Variants in OSBP2 observed in about 807,000 individuals in gnomAD.
The protein encoded by OSBP2 is oxysterol-binding protein 2.
Under a neutral mutation model 96.0 loss-of-function variants are expected in OSBP2, and 66 were observed. That is an observed-to-expected ratio of 0.69 (90% CI 0.56 to 0.84). The LOEUF is 0.84. Among genes scored for constraint, OSBP2 ranks in the 40% least tolerant of loss-of-function variants. The pLI is 0.00. For missense variants in OSBP2, 1,038 were observed against 1,222.7 expected, an observed-to-expected ratio of 0.85 and a Z score of 2.25; for synonymous variants, 525 against 520.9, an observed-to-expected ratio of 1.01 and a Z score of -0.11.
intron 3 of OSBP2, among the ~76,000 whole-genome samples, chr22:30,886,062 T>C (rs1011804944): frequency 3.3e-5 from 5 of 152,224 alleles, no homozygotes; most frequent in African/African-American, 4.8e-5. Context: ...TGCAAAATAT[T>C]TGAAGAGATT....
chr22:30,886,892 G>A (rs1602416879), intron 3 of OSBP2, among the ~76,000 whole-genome samples: 2 of 152,306 alleles, frequency 1.3e-5, no homozygotes, highest in East Asian at 3.9e-4. Context: ...TCTCACACAA[G>A]AAAGAATTCA....
chr22:30,782,840 T>C (rs1197936099), intron 2 of OSBP2, among the ~76,000 whole-genome samples: 1 of 152,148 alleles, frequency 6.6e-6, no homozygotes, highest in Non-Finnish European at 1.5e-5. Context: ...AATTGCCACA[T>C]CATCTTCGAA....
intron 1 of OSBP2, among the ~76,000 whole-genome samples, chr22:30,730,114 C>T (rs903312874): frequency 6.6e-6 from 1 of 152,002 alleles, no homozygotes; most frequent in African/African-American, 2.4e-5. Context: ...AGGCGCATGC[C>T]ACCATGCCTG....
intron 2 of OSBP2, among the ~76,000 whole-genome samples, chr22:30,803,773 G>A (rs2090888569): frequency 6.6e-6 from 1 of 152,028 alleles, no homozygotes; most frequent in African/African-American, 2.4e-5. Context: ...GAGCTCTGGA[G>A]TGGATACTGG....
intron 1 of OSBP2, among the ~76,000 whole-genome samples, chr22:30,725,206 A>T (rs891833784): frequency 1.2e-4 from 18 of 149,020 alleles, no homozygotes; most frequent in Non-Finnish European, 1.8e-4. Context: ...ACAAAAAAAA[A>T]ACAAAAACAA....
At chr22:30,894,295 C>A in intron 12 of OSBP2, 1 of 351,010 alleles carries the variant, frequency 2.8e-6, no homozygotes. Context: ...AAATAGAAAA[C>A]TATAAAATGT....
intron 2 of OSBP2, among the ~76,000 whole-genome samples, chr22:30,756,277 G>T (rs1421598189): frequency 6.6e-6 from 1 of 152,148 alleles, no homozygotes; most frequent in East Asian, 1.9e-4. Flanking sequence ...TTTGTCCTCT[G>T]TCTAACCATG....
chr22:30,745,666 C>CAAAA (rs71328868), intron 2 of OSBP2, among the ~76,000 whole-genome samples: 10 of 58,652 alleles, frequency 1.7e-4, no homozygotes, highest in Non-Finnish European at 2.9e-4. Flanking sequence ...GACTCTGTCT[C>CAAAA]AAAAAAAAAA....
chr22:30,704,604 C>T (rs1030218325), intron 1 of OSBP2, among the ~76,000 whole-genome samples: 2 of 151,660 alleles, frequency 1.3e-5, no homozygotes, highest in African/African-American at 4.9e-5. Flanking sequence ...GCAACCTCTG[C>T]CTCCTGGGTT....
intron 2 of OSBP2, among the ~76,000 whole-genome samples, chr22:30,852,924 G>T (rs1389008874): frequency 2.0e-5 from 3 of 151,912 alleles, no homozygotes; most frequent in Non-Finnish European, 4.4e-5. Flanking sequence ...TATATTCGGG[G>T]TTTTTTTCCA....
intron 2 of OSBP2, among the ~76,000 whole-genome samples, chr22:30,799,772 G>A (rs1037552736): frequency 1.3e-5 from 2 of 152,250 alleles, no homozygotes; most frequent in Non-Finnish European, 2.9e-5. Flanking sequence ...GGCAGCTCCT[G>A]TATTTTGAAG....
chr22:30,831,963 G>A (rs2038532150), intron 2 of OSBP2, among the ~76,000 whole-genome samples: 1 of 152,074 alleles, frequency 6.6e-6, no homozygotes, highest in Non-Finnish European at 1.5e-5. Flanking sequence ...TGCCTACTTT[G>A]ACCTCACCCT....
At chr22:30,735,044 T>A (rs1026651335) in intron 1 of OSBP2, among the ~76,000 whole-genome samples, 2 of 151,906 alleles carry the variant, frequency 1.3e-5, no homozygotes, top group African/African-American at 4.8e-5. Flanking sequence ...CAAAAAAAAA[T>A]TAGCTGGCAT....
chr22:30,697,220 T>C (rs887483684), intron 1 of OSBP2, among the ~76,000 whole-genome samples: 2 of 152,246 alleles, frequency 1.3e-5, no homozygotes, highest in Non-Finnish European at 2.9e-5. Context: ...CTGGTTTTAG[T>C]GGAAGTAAAA....
chr22:30,781,187 G>T (rs1443609663), intron 2 of OSBP2, among the ~76,000 whole-genome samples: 2 of 145,666 alleles, frequency 1.4e-5, no homozygotes, highest in African/African-American at 5.1e-5. Flanking sequence ...TCACCATGTT[G>T]TGCAGGCTGG....
At chr22:30,898,212 C>T (rs1159668656) in intron 12 of OSBP2, among the ~76,000 whole-genome samples, 1 of 151,950 alleles carries the variant, frequency 6.6e-6, no homozygotes, top group African/African-American at 2.4e-5. Flanking sequence ...ATTAGCCAGG[C>T]ATGATGGTAC....
At chr22:30,736,401 G>T (rs1318224371) in intron 1 of OSBP2, among the ~76,000 whole-genome samples, 1 of 152,112 alleles carries the variant, frequency 6.6e-6, no homozygotes, top group Non-Finnish European at 1.5e-5. Flanking sequence ...GTCCCCTGGA[G>T]AGTCCCGTCT....
At chr22:30,706,657 A>C (rs2089258376) in intron 1 of OSBP2, among the ~76,000 whole-genome samples, 1 of 152,022 alleles carries the variant, frequency 6.6e-6, no homozygotes. Flanking sequence ...ACTGTCCTTC[A>C]CAGCCAGGTC....
chr22:30,809,942 A>G (rs2090983834), intron 2 of OSBP2, among the ~76,000 whole-genome samples: 1 of 152,166 alleles, frequency 6.6e-6, no homozygotes, highest in African/African-American at 2.4e-5. Flanking sequence ...AGGGAAAGAA[A>G]GAATGGTCTG....
Sources: allele counts gnomAD v4.1 joint callset (sites outside exome capture counted in the v4.1 genomes callset), GRCh38; gene constraint gnomAD v4.1.1; transcripts MANE v1.5; gene names NCBI Gene and HGNC (gene_info 2026-07-23, HGNC 2026-07-21).